Variants in ETV5 observed in about 807,000 individuals in gnomAD.
ETV5 encodes the protein ETS variant transcription factor 5, also known as ETS translocation variant 5.
A neutral mutation model predicts 70.0 loss-of-function variants in ETV5; 10 were observed. The ratio of observed to expected loss-of-function variants is 0.14; its 90% confidence interval spans 0.09 to 0.24. ETV5 has a LOEUF of 0.24. ETV5 is among the 10% of genes least tolerant of loss of function. The pLI is 1.00. For synonymous variants in ETV5, 216 were observed against 242.2 expected (o/e 0.89, Z 1.01); for missense variants, 453 against 651.2 (o/e 0.70, Z 3.31).
At chr3:186,103,903 G>A (rs2108445909) in intron 5 of ETV5, among the ~76,000 whole-genome samples, 1 of 152,292 alleles carries the variant, frequency 6.6e-6, no homozygotes, top group Middle Eastern at 3.4e-3. Context: ...TGTTACCTCT[G>A]CTCTTACATT....
In ETV5 at chr3:186,105,662, C is replaced by T. The variant is rs150171596; in HGVS notation, c.96G>A (p.Arg32=). The change falls in exon 3 of 13, where the codon AGG becomes AGA. Residue 32 remains arginine (R), a synonymous_variant. Transcript: ENST00000306376. This position sits in a 1 kb window ranked among gnomAD's most constrained non-coding sequence, Gnocchi z 4.5. ...CRGRPVIDRK[R]KFLDTDLAHD... is the part of the protein sequence containing the mutation. ...GAGCCAGATCTGTGTCCAAAAACTT[C>T]CTCTTTCTGTCAATCACAGGCCGCC... The T allele has an allele frequency of 7.3e-5, 118 of 1,614,104 alleles. No homozygotes were observed. The highest frequency in any genetic ancestry group is 1.1e-4 in the African/African-American group (8 of 74,926).
intron 7 of ETV5, among the ~76,000 whole-genome samples, chr3:186,071,550 G>C (rs1356899732): frequency 6.6e-6 from 1 of 152,182 alleles, no homozygotes; most frequent in Non-Finnish European, 1.5e-5. Context: ...GATGATGTAA[G>C]ATAATGTATG....
At chr3:186,095,205 A>G (rs1714276268) in intron 5 of ETV5, 2 of 152,220 alleles carry the variant, frequency 1.3e-5, no homozygotes, top group African/African-American at 4.8e-5. Flanking sequence ...TAGAGATGAC[A>G]GGGCGGCTTC....
At chr3:186,088,789 A>AG (rs1169612506) in intron 5 of ETV5, among the ~76,000 whole-genome samples, 1 of 152,188 alleles carries the variant, frequency 6.6e-6, no homozygotes. Flanking sequence ...CAAAGACCAG[A>AG]GGGCTTTAAG....
At chr3:186,065,764 A>G in intron 8 of ETV5, 49 bp downstream of exon 8, 1 of 1,611,292 alleles carries the variant, frequency 6.2e-7, no homozygotes, top group South Asian at 1.1e-5. Context: ...GAATAACGAG[A>G]CAGAAGAATG....
At chr3:186,056,538 G>GCACCC in intron 11 of ETV5, among the ~76,000 whole-genome samples, 1 of 151,962 alleles carries the variant, frequency 6.6e-6, no homozygotes, top group Admixed American at 6.6e-5. Flanking sequence ...GTGAGCCACT[G>GCACCC]CACCCGGCCA....
At chr3:186,101,233 T>TTA (rs1035294677) in intron 5 of ETV5, among the ~76,000 whole-genome samples, 7 of 152,234 alleles carry the variant, frequency 4.6e-5, no homozygotes, top group Non-Finnish European at 1.0e-4. Context: ...GTACACAGTT[T>TTA]TATCTGTATA....
chr3:186,107,665 C>A (rs1394901854), intron 1 of ETV5, among the ~76,000 whole-genome samples: 3 of 152,190 alleles, frequency 2.0e-5, no homozygotes, highest in East Asian at 1.9e-4. Flanking sequence ...CCTTTGCCCC[C>A]CCACCACCCG....
In ETV5 at chr3:186,105,845, T is replaced by C; in HGVS notation, c.24A>G (p.Gln8=). 6.2e-7 allele frequency: 1 copy of C among 1,614,052 alleles called. No homozygotes were observed. The highest frequency in any genetic ancestry group is 8.5e-7 in the Non-Finnish European group (1 of 1,179,970). MDGFYDQ[Q]VPFMVPGKSR... ...TTACCCCTGGGACCATAAAAGGGAC[T>C]TGCTGATCATAAAACCCGTCCATGG... Residue 8 remains glutamine (Q), a synonymous_variant, in exon 2 of 13, where the codon CAA becomes CAG. Coordinates refer to ENST00000306376, the MANE Select transcript of ETV5 (RefSeq NM_004454.3). The surrounding 1 kb of genome is among the most constrained non-coding windows in gnomAD (Gnocchi z 4.5).
intron 7 of ETV5, among the ~76,000 whole-genome samples, chr3:186,071,861 G>A (rs777747834): frequency 6.6e-6 from 1 of 151,554 alleles, no homozygotes; most frequent in Non-Finnish European, 1.5e-5. Flanking sequence ...TCAGTGGCGC[G>A]ATCTCGGCTC....
rs1714559128 is a variant in ETV5 at position 186,105,210 on chromosome 3, ATC to A, written c.232+93_232+94del. The A allele has an allele frequency of 2.0e-6, 2 of 1,023,056 alleles. No individual in the cohort carries two copies. The highest frequency in any genetic ancestry group is 3.2e-5 in the African/African-American group (2 of 61,764). 63.4% of individuals were successfully genotyped at this position (1,023,056 alleles called of 1,614,324 possible). A position where few individuals can be genotyped will look rare whatever the true frequency, so the allele number is the denominator to read the frequency against. On this transcript the variant is annotated intron_variant, in intron 5 of 12. Transcript: ENST00000306376. This position sits in a 1 kb window ranked among gnomAD's most constrained non-coding sequence, Gnocchi z 4.5. ...AAACTAAATGCATACTACTGTCTAA[ATC>A]TGGCCATAGCTGAAAAAAGCATATT...
At chr3:186,085,092 AACACG>A (rs1246467285) in intron 5 of ETV5, among the ~76,000 whole-genome samples, 1 of 152,116 alleles carries the variant, frequency 6.6e-6, no homozygotes, top group African/African-American at 2.4e-5. Flanking sequence ...TCATTTTACG[AACACG>A]AAAACAAGGC....
intron 9 of ETV5, among the ~76,000 whole-genome samples, chr3:186,063,398 A>G (rs1013789984): frequency 1.3e-5 from 2 of 152,228 alleles, no homozygotes; most frequent in Non-Finnish European, 2.9e-5. Flanking sequence ...TTTGTTCCCA[A>G]TTACTTTCAC....
intron 5 of ETV5, among the ~76,000 whole-genome samples, chr3:186,090,254 A>T (rs1290444939): frequency 6.6e-6 from 1 of 152,220 alleles, no homozygotes; most frequent in East Asian, 1.9e-4. Flanking sequence ...ATCTAGCCTT[A>T]CACAAGGATA....
intron 11 of ETV5, among the ~76,000 whole-genome samples, chr3:186,056,578 C>T (rs565539643): frequency 6.6e-6 from 1 of 152,180 alleles, no homozygotes; most frequent in Non-Finnish European, 1.5e-5. Flanking sequence ...AAAATCTAAG[C>T]TCATTAAGAT....
At chr3:186,059,591 TTCTC>T (rs1297643178) in intron 9 of ETV5, among the ~76,000 whole-genome samples, 4 of 152,230 alleles carry the variant, frequency 2.6e-5, no homozygotes, top group African/African-American at 9.6e-5. Flanking sequence ...ACTGATCTAT[TTCTC>T]TATCTTCATA....
At chr3:186,088,111 C>T (rs1714099697) in intron 5 of ETV5, among the ~76,000 whole-genome samples, 2 of 152,182 alleles carry the variant, frequency 1.3e-5, no homozygotes, top group African/African-American at 4.8e-5. Flanking sequence ...TGGGGTTTTC[C>T]TTGTCCCTTC....
At chr3:186,074,634 C>G (rs1177388337) in intron 7 of ETV5, among the ~76,000 whole-genome samples, 2 of 152,032 alleles carry the variant, frequency 1.3e-5, no homozygotes, top group Admixed American at 1.3e-4. Flanking sequence ...CAAGTTAGGG[C>G]TGGGCATGGT....
rs540714012 is a variant in ETV5, at chr3:186,050,415, G to A, written c.1312-1555C>T. Among the ~76,000 whole-genome samples the A allele has an allele frequency of 5.3e-5, 8 of 152,280 alleles. No individual in the cohort carries two copies. The South Asian group carries it at 1.7e-3, about 32-fold the overall frequency. ...GTCCTGGGTTGCATCTCCCCATGCT[G>A]GATGTGGAGTTGGGAACAGCAAAGG... On this transcript the variant is annotated intron_variant, in intron 12 of 12. Coordinates refer to ENST00000306376, the MANE Select transcript of ETV5 (RefSeq NM_004454.3).
Sources: gnomAD v4.1 joint callset for allele counts (sites outside exome capture counted in the v4.1 genomes callset) on GRCh38, gnomAD v4.1.1 for gene constraint, Gnocchi (gnomAD v3.1) non-coding constraint, MANE v1.5 for transcripts, NCBI Gene and HGNC (gene_info 2026-07-23, HGNC 2026-07-21) for gene names.